Variants in XYLT1 observed in about 807,000 individuals in gnomAD.
XYLT1 encodes beta-D-xylosyltransferase 1.
Under a neutral mutation model 91.3 loss-of-function variants are expected in XYLT1, and 36 were observed. The ratio of observed to expected loss-of-function variants is 0.39; its 90% CI spans 0.30 to 0.52. The LOEUF is 0.52. Ranked by LOEUF, XYLT1 falls within the 20% of genes least tolerant of loss-of-function variation. The pLI is 0.68. For synonymous variants in XYLT1, 588 were observed against 532.0 expected (o/e 1.11, Z -1.45); for missense variants, 1,242 against 1,284.5 (o/e 0.97, Z 0.51).
Position 17,102,925 on chromosome 16 carries a change from CCAAA to C in XYLT1, c.*5766_*5769del, listed in dbSNP as rs1351962164. ...AGAGTGAGGCCTCTAAAACAAATACCCAAACAAATGCTATTGACAACATAATATT... is the reference window on the plus strand; with the variant it reads ...AGAGTGAGGCCTCTAAAACAAATACCCAAATGCTATTGACAACATAATATT... On this transcript the variant is annotated 3_prime_UTR_variant, in exon 12 of 12. Transcript: ENST00000261381. 5 of 151,980 alleles carry C rather than the reference CCAAA, an allele frequency of 3.3e-5. No homozygotes were observed. Among genetic ancestry groups the C allele is most frequent in the African/African-American group, 1.2e-4 (5 of 41,258 alleles). 9.4% of individuals were successfully genotyped at this position (151,980 alleles called of 1,614,324 possible).
chr16:17,128,737 G>A (rs965195732), intron 9 of XYLT1, among the ~76,000 whole-genome samples: 13 of 152,222 alleles, frequency 8.5e-5, no homozygotes, highest in African/African-American at 3.1e-4. Flanking sequence ...GGGCAGGGAA[G>A]TGAAGCAGAG....
At position 17,431,719 on chromosome 16, in the gene XYLT1, C is replaced by T. The variant is rs116471525; in HGVS notation, c.363+38715G>A. Among the ~76,000 whole-genome samples the T allele has an allele frequency of 6.3e-3, 957 of 152,312 alleles. 13 individuals carry two copies. Among genetic ancestry groups the T allele is most frequent in the African/African-American group, 0.021 (870 of 41,554 alleles). Reference sequence around the variant, plus strand: ...AGCGATCAATGCAGGTAAACGAATCCATTCGAAGGCAGGCCATGGATGGTA... The same window carrying T: ...AGCGATCAATGCAGGTAAACGAATCTATTCGAAGGCAGGCCATGGATGGTA... On this transcript the variant is annotated intron_variant, in intron 1 of 11. Transcript: ENST00000261381.
chr16:17,131,298 T>C (rs2030463481), intron 9 of XYLT1, among the ~76,000 whole-genome samples: 1 of 152,204 alleles, frequency 6.6e-6, no homozygotes, highest in African/African-American at 2.4e-5. Flanking sequence ...TGTTAATGTC[T>C]CAAAACAGAA....
At chr16:17,217,264 C>T (rs2032877986) in intron 3 of XYLT1, among the ~76,000 whole-genome samples, 2 of 152,162 alleles carry the variant, frequency 1.3e-5, no homozygotes, top group South Asian at 4.1e-4. Context: ...GTTTCGAACT[C>T]TGTTCTAGCT....
intron 2 of XYLT1, among the ~76,000 whole-genome samples, chr16:17,272,400 G>C (rs2033910921): frequency 6.6e-6 from 1 of 152,022 alleles, no homozygotes; most frequent in Non-Finnish European, 1.5e-5. Context: ...CTGACCTCAA[G>C]TGATCTGCCT....
rs567527940 is a variant in XYLT1, at chr16:17,328,908, G to A, written c.402+29104C>T. Reference sequence around the variant, plus strand: ...ATGAGGCTCCCAAAGCCTCCAAAACGCTCCAGATGGCTGAAGTTTTGCTGG... The same window carrying A: ...ATGAGGCTCCCAAAGCCTCCAAAACACTCCAGATGGCTGAAGTTTTGCTGG... On this transcript the variant is annotated intron_variant, in intron 2 of 11. Coordinates refer to ENST00000261381, the MANE Select transcript of XYLT1 (RefSeq NM_022166.4). Among the ~76,000 whole-genome samples the A allele has an allele frequency of 1.2e-4, 19 of 152,290 alleles. 1 individual carries two copies. In the South Asian group the frequency reaches 3.5e-3, roughly 28 times the overall value.
intron 2 of XYLT1, among the ~76,000 whole-genome samples, chr16:17,262,570 T>C (rs2033739338): frequency 6.6e-6 from 1 of 152,224 alleles, no homozygotes. Flanking sequence ...AAATCATTTC[T>C]GTTCCATTCC....
At chr16:17,302,864 A>C (rs893658239) in intron 2 of XYLT1, among the ~76,000 whole-genome samples, 2 of 150,944 alleles carry the variant, frequency 1.3e-5, no homozygotes, top group African/African-American at 5.0e-5. Flanking sequence ...AGACTAGGGA[A>C]GGAAGGGGTT....
At chr16:17,123,469 A>G (rs2030144636) in intron 10 of XYLT1, among the ~76,000 whole-genome samples, 1 of 152,068 alleles carries the variant, frequency 6.6e-6, no homozygotes, top group Non-Finnish European at 1.5e-5. Context: ...GTTTCCATGT[A>G]TTTGCATGAA....
intron 2 of XYLT1, among the ~76,000 whole-genome samples, chr16:17,344,718 T>A (rs2035119533): frequency 6.6e-6 from 1 of 151,842 alleles, no homozygotes; most frequent in South Asian, 2.1e-4. Flanking sequence ...TTCTTTTTTT[T>A]TTTTTGAGAC....
chr16:17,145,655 G>C (rs2031112503), intron 6 of XYLT1, among the ~76,000 whole-genome samples: 1 of 152,214 alleles, frequency 6.6e-6, no homozygotes, highest in South Asian at 2.1e-4. Flanking sequence ...TCCCAGACTT[G>C]TGTGTTATGT....
chr16:17,134,806 AT>A, intron 8 of XYLT1, 71 bp from the exon 9 acceptor site: 1 of 1,571,628 alleles, frequency 6.4e-7, no homozygotes. Context: ...ACCTAAGGGC[AT>A]ATCCTGTGGT....
intron 2 of XYLT1, among the ~76,000 whole-genome samples, chr16:17,351,887 C>T (rs6498689): frequency 0.49 from 74,289 of 151,936 alleles, 20,185 homozygotes; most frequent in African/African-American, 0.72. Flanking sequence ...CTCATGCCTG[C>T]AATTCCAGCA....
intron 11 of XYLT1, among the ~76,000 whole-genome samples, chr16:17,110,653 G>C (rs552962868): frequency 5.3e-5 from 8 of 152,250 alleles, no homozygotes; most frequent in African/African-American, 1.9e-4. Flanking sequence ...ATTACTGTTG[G>C]TATTAGTCCA....
intron 1 of XYLT1, among the ~76,000 whole-genome samples, chr16:17,367,094 C>T (rs1567395385): frequency 6.6e-6 from 1 of 152,188 alleles, no homozygotes; most frequent in Non-Finnish European, 1.5e-5. Context: ...GATCCTCTCA[C>T]ACTCATTGTG....
chr16:17,188,642 T>TC (rs1341301417), intron 5 of XYLT1, among the ~76,000 whole-genome samples: 6 of 152,210 alleles, frequency 3.9e-5, no homozygotes, highest in African/African-American at 1.4e-4. Context: ...TTCCTTTTTT[T>TC]CACAATGCTT....
At chr16:17,393,841 T>A (rs544569515) in intron 1 of XYLT1, among the ~76,000 whole-genome samples, 41 of 152,200 alleles carry the variant, frequency 2.7e-4, no homozygotes, top group African/African-American at 9.1e-4. Flanking sequence ...AGTGGCGCCA[T>A]CTTGGCTCAC....
At chr16:17,172,579 A>C (rs889277253) in intron 5 of XYLT1, among the ~76,000 whole-genome samples, 5 of 141,088 alleles carry the variant, frequency 3.5e-5, no homozygotes, top group Non-Finnish European at 6.0e-5. Context: ...TCAAGCGATT[A>C]TCCTGCCTCA....
chr16:17,453,569 C>A (rs1405777063), intron 1 of XYLT1, among the ~76,000 whole-genome samples: 2 of 152,222 alleles, frequency 1.3e-5, no homozygotes, highest in Admixed American at 1.3e-4. Flanking sequence ...CACACTGAGG[C>A]AGCACCTCCG....
Sources: allele counts gnomAD v4.1 joint callset (sites outside exome capture counted in the v4.1 genomes callset), GRCh38; gene constraint gnomAD v4.1.1; transcripts MANE v1.5; gene names NCBI Gene and HGNC (gene_info 2026-07-23, HGNC 2026-07-21).